The following RIN3 variants were observed in gnomAD, a reference collection of about 807,000 sequenced individuals.
RIN3 encodes RAB5 interacting protein 3.
In RIN3, 54 loss-of-function variants were observed where a neutral mutation model predicts 76.3. The ratio of observed to expected loss-of-function variants is 0.71; its 90% CI spans 0.57 to 0.89. The LOEUF is 0.89. Ranked by LOEUF, RIN3 falls within the 40% of genes least tolerant of loss-of-function variation. The probability of loss-of-function intolerance (pLI) is 0.00; values close to 1 mark genes in which losing one functional copy is unlikely to be tolerated. For synonymous variants in RIN3, 576 were observed against 564.0 expected (o/e 1.02, Z -0.30); for missense variants, 1,256 against 1,322.1 (o/e 0.95, Z 0.78).
intron 1 of RIN3, among the ~76,000 whole-genome samples, chr14:92,540,315 G>T (rs1028203382): frequency 1.3e-5 from 2 of 152,174 alleles, no homozygotes; most frequent in South Asian, 4.1e-4. Flanking sequence ...ACCGAGGGTC[G>T]GGGGTCTTAG....
At chr14:92,550,847 G>C (rs929269433) in intron 1 of RIN3, among the ~76,000 whole-genome samples, 3 of 152,200 alleles carry the variant, frequency 2.0e-5, no homozygotes, top group African/African-American at 7.2e-5. Flanking sequence ...TTCATCTGAA[G>C]GGGCCTTAAG....
chr14:92,544,648 A>G (rs1445202730), intron 1 of RIN3, among the ~76,000 whole-genome samples: 1 of 152,114 alleles, frequency 6.6e-6, no homozygotes, highest in Non-Finnish European at 1.5e-5. Flanking sequence ...GCTCCACTCC[A>G]CATTTCCTCG....
At chr14:92,628,060 T>C (rs1364082906) in intron 4 of RIN3, among the ~76,000 whole-genome samples, 1 of 152,122 alleles carries the variant, frequency 6.6e-6, no homozygotes, top group Non-Finnish European at 1.5e-5. Flanking sequence ...ACTGTTGACA[T>C]CATCAAAGGA....
Position 92,651,802 on chromosome 14 carries a change from G to T in RIN3, c.753G>T (p.Gln251His). The T allele has an allele frequency of 6.2e-7, 1 of 1,613,568 alleles. No homozygotes were observed. Among genetic ancestry groups the T allele is most frequent in the Non-Finnish European group, 8.5e-7 (1 of 1,179,616 alleles). The change falls in exon 6 of 10, where the codon CAG becomes CAT. Residue 251 changes from glutamine (Q) to histidine (H), a missense_variant. Coordinates refer to ENST00000216487, the MANE Select transcript of RIN3 (RefSeq NM_024832.5). ...EDCSSALPTDQPPLGNCPARP... is the reference protein window; with the variant it reads ...EDCSSALPTDHPPLGNCPARP... ...GCAGCAGCGCCCTGCCCACCGACCA[G>T]CCACCTCTTGGAAATTGCCCTGCAC...
chr14:92,550,216 T>C (rs1897386929), intron 1 of RIN3, among the ~76,000 whole-genome samples: 1 of 152,040 alleles, frequency 6.6e-6, no homozygotes, highest in Non-Finnish European at 1.5e-5. Context: ...GGTTTTAAAG[T>C]GAGAGAACTG....
In RIN3 at chr14:92,648,771, C is replaced by T. The variant is rs1887293302; in HGVS notation, c.533-2811C>T. Among the ~76,000 whole-genome samples the T allele has an allele frequency of 6.6e-6, 1 of 152,218 alleles. No individual in the cohort carries two copies. The highest frequency in any genetic ancestry group is 1.5e-5 in the Non-Finnish European group (1 of 68,042). On this transcript the variant is annotated intron_variant, in intron 5 of 9. Coordinates refer to ENST00000216487, the MANE Select transcript of RIN3 (RefSeq NM_024832.5). The surrounding 1 kb of genome is among the most constrained non-coding windows in gnomAD (Gnocchi z 4.1). ...ATTACAGTCCCAGTGATGGTCACTG[C>T]TGTCACAGGCATATCAGAGCTGCAG...
intron 3 of RIN3, among the ~76,000 whole-genome samples, chr14:92,582,051 A>C (rs1285852778): frequency 6.6e-6 from 1 of 152,082 alleles, no homozygotes; most frequent in African/African-American, 2.4e-5. Flanking sequence ...ATCAAGGGGG[A>C]GGTGTTTTTC....
intron 4 of RIN3, among the ~76,000 whole-genome samples, chr14:92,636,837 G>T (rs1157845673): frequency 6.6e-6 from 1 of 152,206 alleles, no homozygotes; most frequent in Admixed American, 6.5e-5. Flanking sequence ...ATCACTTGAG[G>T]CTGGGAGTTC....
intron 2 of RIN3, among the ~76,000 whole-genome samples, chr14:92,563,754 AT>A (rs1368861948): frequency 6.6e-6 from 1 of 152,200 alleles, no homozygotes; most frequent in African/African-American, 2.4e-5. Context: ...AGAGTTGAGA[AT>A]TGCTGCTCTG....
intron 7 of RIN3, among the ~76,000 whole-genome samples, chr14:92,667,251 G>C (rs1048424414): frequency 6.6e-6 from 1 of 152,262 alleles, no homozygotes; most frequent in East Asian, 1.9e-4. Flanking sequence ...GGTGGCTCAC[G>C]CCTGTAATCC....
intron 3 of RIN3, among the ~76,000 whole-genome samples, chr14:92,577,690 C>T (rs947887913): frequency 3.3e-5 from 5 of 152,200 alleles, no homozygotes; most frequent in Non-Finnish European, 7.3e-5. Flanking sequence ...TCACCCTCGT[C>T]GCAGCTGGGT....
intron 3 of RIN3, among the ~76,000 whole-genome samples, chr14:92,578,933 C>CTT (rs796205337): frequency 2.0e-5 from 3 of 146,740 alleles, no homozygotes; most frequent in Admixed American, 1.4e-4. Context: ...CTTTTCTTTT[C>CTT]TTTTTTTTTT....
At chr14:92,618,813 T>A (rs1181775302) in intron 4 of RIN3, among the ~76,000 whole-genome samples, 1 of 152,386 alleles carries the variant, frequency 6.6e-6, no homozygotes, top group Middle Eastern at 3.4e-3. Context: ...TGGATCATTT[T>A]ATTTTTTCCA....
rs188739741 is a variant in RIN3, at chr14:92,590,219, G to A, written c.367+12742G>A. Among the ~76,000 whole-genome samples the A allele has an allele frequency of 2.6e-5, 4 of 152,326 alleles. 1 individual carries two copies. The East Asian group carries it at 7.7e-4, about 29-fold the overall frequency. On this transcript the variant is annotated intron_variant, in intron 3 of 9. Transcript: ENST00000216487. Reference sequence around the variant, plus strand: ...TGCATCCTGCAGGAAGAAGGCAAAAGGAACATTTTGGAAATATGCCAGAGC... The same window carrying A: ...TGCATCCTGCAGGAAGAAGGCAAAAAGAACATTTTGGAAATATGCCAGAGC...
chr14:92,621,211 G>T (rs1220231199), intron 4 of RIN3, among the ~76,000 whole-genome samples: 1 of 112,708 alleles, frequency 8.9e-6, no homozygotes, highest in Non-Finnish European at 1.7e-5. Context: ...ACTCCAGCCT[G>T]GGTGACAGAG....
intron 7 of RIN3, among the ~76,000 whole-genome samples, chr14:92,666,604 A>G (rs1888114514): frequency 6.6e-6 from 1 of 152,186 alleles, no homozygotes; most frequent in African/African-American, 2.4e-5. Flanking sequence ...GGACTTCATG[A>G]GGCTTGGTGA....
intron 3 of RIN3, among the ~76,000 whole-genome samples, chr14:92,608,567 C>T (rs1885611941): frequency 6.6e-6 from 1 of 151,522 alleles, no homozygotes; most frequent in Admixed American, 6.6e-5. Flanking sequence ...CAGAGTCTCA[C>T]TCTGTTGCCC....
rs1888658465 is a variant in RIN3 at position 92,681,421 on chromosome 14, A to G, written c.2468-3566A>G. Among the ~76,000 whole-genome samples the G allele has an allele frequency of 6.6e-6, 1 of 152,210 alleles. No individual in the cohort carries two copies. Among genetic ancestry groups the G allele is most frequent in the African/African-American group, 2.4e-5 (1 of 41,430 alleles). On this transcript the variant is annotated intron_variant, in intron 8 of 9. Coordinates refer to ENST00000216487, the MANE Select transcript of RIN3 (RefSeq NM_024832.5). This position sits in a 1 kb window ranked among gnomAD's most constrained non-coding sequence, Gnocchi z 4.7. Reference sequence around the variant, plus strand: ...CCAGAGCACCTCCCTGAGGCCTCATAGCCACCATGCGTTATTCACACATTC... The same window carrying G: ...CCAGAGCACCTCCCTGAGGCCTCATGGCCACCATGCGTTATTCACACATTC...
chr14:92,550,388 T>C (rs1324526122), intron 1 of RIN3, among the ~76,000 whole-genome samples: 1 of 152,140 alleles, frequency 6.6e-6, no homozygotes, highest in African/African-American at 2.4e-5. Context: ...TGTTTTTACT[T>C]ATTTTTATTT....
Sources: gnomAD v4.1 joint callset for allele counts (sites outside exome capture counted in the v4.1 genomes callset) on GRCh38, gnomAD v4.1.1 for gene constraint, Gnocchi (gnomAD v3.1) non-coding constraint, MANE v1.5 for transcripts, NCBI Gene and HGNC (gene_info 2026-07-23, HGNC 2026-07-21) for gene names.